CDK8: variants seen among roughly 807,000 people sequenced by gnomAD.
CDK8 encodes cyclin-dependent kinase 8.
In CDK8, 29 loss-of-function variants were observed where a neutral mutation model predicts 71.5. That is an observed-to-expected ratio of 0.41 (90% CI 0.30 to 0.55). CDK8 has a LOEUF of 0.55. CDK8 is among the 20% of genes least tolerant of loss of function. The probability of loss-of-function intolerance (pLI) is 0.37; values close to 1 mark genes in which losing one functional copy is unlikely to be tolerated. For synonymous variants in CDK8, 161 were observed against 192.1 expected (o/e 0.84, Z 1.34); for missense variants, 288 against 572.6 (o/e 0.50, Z 5.07).
chr13:26,390,448 G>A (rs2420133), intron 6 of CDK8, among the ~76,000 whole-genome samples: 54,839 of 152,048 alleles, frequency 0.36, 10,104 homozygotes, highest in East Asian at 0.54. Context: ...AAACCAAAGA[G>A]AGGAAATAAT....
chr13:26,391,630 A>G (rs1437139060), intron 6 of CDK8, among the ~76,000 whole-genome samples: 2 of 152,368 alleles, frequency 1.3e-5, no homozygotes, highest in African/African-American at 2.4e-5. Context: ...GGTTAGATTT[A>G]TAGGGTATAC....
intron 5 of CDK8, 23 bp downstream of exon 5, chr13:26,382,894 C>A (rs1469545804): frequency 3.3e-6 from 5 of 1,510,030 alleles, no homozygotes; most frequent in Admixed American, 2.1e-5. Flanking sequence ...TTTGCTAAGT[C>A]ACAGTGTAGC....
At chr13:26,320,693 T>G (rs957026246) in intron 1 of CDK8, among the ~76,000 whole-genome samples, 100 of 152,178 alleles carry the variant, frequency 6.6e-4, no homozygotes, top group African/African-American at 2.3e-3. Context: ...AAAAAACAAC[T>G]TGATTCAAAA....
intron 6 of CDK8, among the ~76,000 whole-genome samples, chr13:26,386,276 C>G (rs753332792): frequency 1.3e-5 from 2 of 152,234 alleles, no homozygotes; most frequent in Non-Finnish European, 2.9e-5. Flanking sequence ...TGCTCAGCTG[C>G]TAGGCCTTTC....
Position 26,404,451 on chromosome 13 carries a change from A to G in CDK8, c.*370A>G. 3.7e-6 allele frequency: 1 copy of G among 270,262 alleles called. No individual in the cohort carries two copies. Among genetic ancestry groups the G allele is most frequent in the East Asian group, 5.3e-5 (1 of 18,972 alleles). 16.7% of individuals were successfully genotyped at this position (270,262 alleles called of 1,614,324 possible). A position where few individuals can be genotyped will look rare whatever the true frequency, so the allele number is the denominator to read the frequency against. ...ATGTGGTGAATTTTTTCAGTGTAAC[A>G]ACATTATCTGACCAATAGTACACAC... On this transcript the variant is annotated 3_prime_UTR_variant, in exon 13 of 13. Transcript: ENST00000381527.
chr13:26,366,479 A>G (rs17083931), intron 4 of CDK8, among the ~76,000 whole-genome samples: 8,860 of 152,220 alleles, frequency 0.058, 861 homozygotes, highest in African/African-American at 0.2. Flanking sequence ...ATGTTCGTTT[A>G]TTAAAGTCTC....
chr13:26,353,637 A>T, intron 3 of CDK8, 103 bp from the exon 4 acceptor site: 1 of 884,556 alleles, frequency 1.1e-6, no homozygotes, highest in East Asian at 2.7e-5. Context: ...TTCAATATCT[A>T]TGGGAATCCC....
At chr13:26,286,497 TATACAAAA>T (rs1244141817) in intron 1 of CDK8, among the ~76,000 whole-genome samples, 2 of 152,200 alleles carry the variant, frequency 1.3e-5, no homozygotes, top group Non-Finnish European at 2.9e-5. Context: ...TCTCTCACCT[TATACAAAA>T]ATCAACTCAA....
chr13:26,291,743 A>G lies in CDK8; in HGVS notation c.128+36974A>G, dbSNP rs1199707499. On this transcript the variant is annotated intron_variant, in intron 1 of 12. Coordinates refer to ENST00000381527, the MANE Select transcript of CDK8 (RefSeq NM_001260.3). ...TACATGAATGATTTGGTTCTGTTAC[A>G]TAGTTTTCCCCATCCTCACGTATAT... Among the ~76,000 whole-genome samples, 6 of 152,216 alleles carry G rather than the reference A, an allele frequency of 3.9e-5. No individual in the cohort carries two copies. The South Asian group carries it at 8.3e-4, about 21-fold the overall frequency.
intron 4 of CDK8, among the ~76,000 whole-genome samples, chr13:26,356,275 G>A (rs74042625): frequency 0.059 from 9,000 of 152,176 alleles, 894 homozygotes; most frequent in African/African-American, 0.2. Context: ...AACAATTTCA[G>A]TAATAAAATA....
chr13:26,403,929 C>T (rs766547243), intron 12 of CDK8, 27 bp from the exon 13 acceptor site: 1 of 1,607,098 alleles, frequency 6.2e-7, no homozygotes, highest in East Asian at 2.2e-5. Flanking sequence ...GCACCTGAAT[C>T]ACACTTTTCC....
chr13:26,338,824 T>C (rs948974035), intron 2 of CDK8, among the ~76,000 whole-genome samples: 14 of 152,160 alleles, frequency 9.2e-5, no homozygotes, highest in African/African-American at 2.7e-4. Flanking sequence ...TGATTACCCT[T>C]GGAGGGAATA....
intron 1 of CDK8, among the ~76,000 whole-genome samples, chr13:26,332,067 T>C (rs1480510648): frequency 1.3e-5 from 2 of 152,196 alleles, no homozygotes; most frequent in Non-Finnish European, 2.9e-5. Flanking sequence ...AATTTTGTTC[T>C]AGCTTTTTAA....
intron 1 of CDK8, among the ~76,000 whole-genome samples, chr13:26,329,483 G>GTTTTTTTTT (rs543441898): frequency 2.3e-5 from 3 of 128,498 alleles, no homozygotes; most frequent in South Asian, 2.4e-4. Context: ...TTTTTTTTTT[G>GTTTTTTTTT]TTTTTTTTTT....
intron 1 of CDK8, among the ~76,000 whole-genome samples, chr13:26,297,995 A>G (rs1235073425): frequency 6.6e-6 from 1 of 152,036 alleles, no homozygotes; most frequent in Non-Finnish European, 1.5e-5. Context: ...TAGGGGCAAT[A>G]TCCCATTGCC....
intron 1 of CDK8, among the ~76,000 whole-genome samples, chr13:26,318,756 A>G (rs1293404377): frequency 1.3e-5 from 2 of 152,176 alleles, no homozygotes; most frequent in African/African-American, 4.8e-5. Context: ...AAAATTGATC[A>G]CCCTTTCATC....
At chr13:26,374,725 T>C (rs761217106) in intron 4 of CDK8, among the ~76,000 whole-genome samples, 1 of 152,138 alleles carries the variant, frequency 6.6e-6, no homozygotes, top group Non-Finnish European at 1.5e-5. Flanking sequence ...AATTAAAATA[T>C]GTTACATTAT....
intron 1 of CDK8, among the ~76,000 whole-genome samples, chr13:26,282,167 TC>T (rs1417818239): frequency 2.0e-4 from 30 of 152,220 alleles, no homozygotes; most frequent in African/African-American, 7.2e-4. Flanking sequence ...GAGGAAAACT[TC>T]CTCGGCTTCA....
intron 5 of CDK8, among the ~76,000 whole-genome samples, chr13:26,384,897 G>C (rs1875403164): frequency 6.6e-6 from 1 of 152,166 alleles, no homozygotes; most frequent in African/African-American, 2.4e-5. Context: ...TGGAAATGCA[G>C]CTCAACAACC....
Sources: gnomAD v4.1 joint callset for allele counts (sites outside exome capture counted in the v4.1 genomes callset) on GRCh38, gnomAD v4.1.1 for gene constraint, MANE v1.5 for transcripts, NCBI Gene and HGNC (gene_info 2026-07-23, HGNC 2026-07-21) for gene names.